MLLT3: variants seen among roughly 807,000 people sequenced by gnomAD.
The protein encoded by MLLT3 is MLLT3 super elongation complex subunit.
Under a neutral mutation model 53.2 loss-of-function variants are expected in MLLT3, and 4 were observed. The observed-to-expected ratio is 0.08, with a 90% CI of 0.04 to 0.17. MLLT3 has a LOEUF of 0.17. Ranked by LOEUF, MLLT3 falls within the 10% of genes least tolerant of loss-of-function variation. The pLI is 1.00. For synonymous variants in MLLT3, 283 were observed against 230.6 expected (o/e 1.23, Z -2.06); for missense variants, 569 against 684.0 (o/e 0.83, Z 1.87).
intron 2 of MLLT3, 63 bp from the exon 3 acceptor site, chr9:20,456,849 TA>T (rs984863378): frequency 0.022 from 22,102 of 1,015,886 alleles, 5 homozygotes; most frequent in South Asian, 0.028. Context: ...ATTCTTCTTT[TA>T]AAAAAAAAAA....
chr9:20,349,704 G>A (rs1299499024), intron 10 of MLLT3, among the ~76,000 whole-genome samples: 3 of 152,116 alleles, frequency 2.0e-5, no homozygotes, highest in Non-Finnish European at 4.4e-5. Context: ...CACTAGAAAC[G>A]TCAGCCCGGG....
chr9:20,601,286 T>C (rs1820415097), intron 2 of MLLT3, among the ~76,000 whole-genome samples: 1 of 152,124 alleles, frequency 6.6e-6, no homozygotes, highest in South Asian at 2.1e-4. Context: ...GGCTTCCAGA[T>C]CAAAAATAGT....
intron 5 of MLLT3, among the ~76,000 whole-genome samples, chr9:20,400,430 C>T (rs1338353281): frequency 2.0e-5 from 3 of 152,018 alleles, no homozygotes; most frequent in Non-Finnish European, 2.9e-5. Flanking sequence ...GGAAATTTGT[C>T]CAGTGGCTAG....
intron 2 of MLLT3, among the ~76,000 whole-genome samples, chr9:20,543,515 G>A (rs1458913899): frequency 6.6e-6 from 1 of 152,134 alleles, no homozygotes; most frequent in African/African-American, 2.4e-5. Context: ...AGTGGCTCAT[G>A]CCTCTAATCC....
At chr9:20,474,235 A>T (rs943581221) in intron 2 of MLLT3, among the ~76,000 whole-genome samples, 2 of 152,162 alleles carry the variant, frequency 1.3e-5, no homozygotes, top group Admixed American at 1.3e-4. Context: ...AAAACCACAT[A>T]GAAATTTTTA....
intron 2 of MLLT3, among the ~76,000 whole-genome samples, chr9:20,592,413 T>C (rs74837066): frequency 0.025 from 3,769 of 152,262 alleles, 174 homozygotes; most frequent in African/African-American, 0.085. Flanking sequence ...CTGAGGCTTC[T>C]CCTTGGCTTA....
At chr9:20,369,084 G>A (rs1353258815) in intron 5 of MLLT3, among the ~76,000 whole-genome samples, 3 of 152,180 alleles carry the variant, frequency 2.0e-5, no homozygotes, top group Admixed American at 2.0e-4. Flanking sequence ...GAGTGGGACA[G>A]GACCCTGGAA....
chr9:20,537,184 G>C (rs1269816249), intron 2 of MLLT3, among the ~76,000 whole-genome samples: 2 of 152,078 alleles, frequency 1.3e-5, no homozygotes, highest in African/African-American at 4.8e-5. Context: ...TTCTGAAATA[G>C]GTTGAAAAAA....
chr9:20,417,955 C>A (rs12685530), intron 4 of MLLT3, among the ~76,000 whole-genome samples: 13,220 of 152,206 alleles, frequency 0.087, 1,202 homozygotes, highest in African/African-American at 0.22. Context: ...GCTTCCGTTT[C>A]TTCCCGCTGG....
At chr9:20,426,066 T>C (rs559342979) in intron 4 of MLLT3, among the ~76,000 whole-genome samples, 7 of 152,200 alleles carry the variant, frequency 4.6e-5, no homozygotes, top group African/African-American at 1.7e-4. Context: ...TATAAAATCC[T>C]TTTGTTTCAG....
At chr9:20,563,237 C>T (rs1349591140) in intron 2 of MLLT3, among the ~76,000 whole-genome samples, 1 of 151,974 alleles carries the variant, frequency 6.6e-6, no homozygotes, top group Admixed American at 6.6e-5. Flanking sequence ...AGTAACATGT[C>T]GTGGAGGAAC....
intron 2 of MLLT3, among the ~76,000 whole-genome samples, chr9:20,556,372 G>C (rs1819057628): frequency 6.6e-6 from 1 of 152,076 alleles, no homozygotes; most frequent in Admixed American, 6.6e-5. Flanking sequence ...ACATGAACAT[G>C]TATTATATTA....
At chr9:20,523,032 A>C (rs915171518) in intron 2 of MLLT3, among the ~76,000 whole-genome samples, 2 of 152,132 alleles carry the variant, frequency 1.3e-5, no homozygotes, top group African/African-American at 4.8e-5. Context: ...AAACCCAAAA[A>C]CAAACAACCC....
intron 5 of MLLT3, among the ~76,000 whole-genome samples, chr9:20,383,168 T>G (rs1437722036): frequency 2.6e-5 from 4 of 151,928 alleles, no homozygotes; most frequent in Non-Finnish European, 5.9e-5. Flanking sequence ...TTGTGTTGTA[T>G]ATATGCATAC....
At chr9:20,463,360 A>G (rs947382707) in intron 2 of MLLT3, among the ~76,000 whole-genome samples, 1 of 152,124 alleles carries the variant, frequency 6.6e-6, no homozygotes, top group African/African-American at 2.4e-5. Flanking sequence ...GAGTTAGCAA[A>G]GCCCATGTAG....
chr9:20,535,488 T>G (rs148001266), intron 2 of MLLT3, among the ~76,000 whole-genome samples: 22 of 152,258 alleles, frequency 1.4e-4, no homozygotes, highest in Middle Eastern at 3.4e-3. Context: ...CAGCAAGCCT[T>G]TTTTAAACAC....
At chr9:20,492,740 A>C (rs930645880) in intron 2 of MLLT3, among the ~76,000 whole-genome samples, 2 of 152,008 alleles carry the variant, frequency 1.3e-5, no homozygotes, top group Non-Finnish European at 2.9e-5. Context: ...ATTCGCCTGA[A>C]AACTAAAATC....
chr9:20,372,667 C>A (rs957578854), intron 5 of MLLT3, among the ~76,000 whole-genome samples: 3 of 148,144 alleles, frequency 2.0e-5, no homozygotes, highest in African/African-American at 7.6e-5. Context: ...CTTGGCCTCC[C>A]AAAGTGCTGG....
chr9:20,441,765 T>A (rs373933418), intron 4 of MLLT3, among the ~76,000 whole-genome samples: 9 of 152,266 alleles, frequency 5.9e-5, no homozygotes, highest in Admixed American at 5.2e-4. Context: ...AGCTGCCCAG[T>A]GACAGCCACT....
Sources: allele counts gnomAD v4.1 joint callset (sites outside exome capture counted in the v4.1 genomes callset), GRCh38; gene constraint gnomAD v4.1.1; transcripts MANE v1.5; gene names NCBI Gene and HGNC (gene_info 2026-07-23, HGNC 2026-07-21).